The following NEGR1 variants were observed in gnomAD, a reference collection of about 807,000 sequenced individuals.
NEGR1 encodes neuronal growth regulator 1, also known as IgLON family member 4.
A neutral mutation model predicts 40.9 loss-of-function variants in NEGR1; 10 were observed. The observed-to-expected ratio is 0.24, with a 90% CI of 0.15 to 0.42. The LOEUF (loss-of-function observed/expected upper bound fraction) is 0.42, where lower values mean the gene tolerates loss of function less well. NEGR1 is among the 10% of genes least tolerant of loss of function. The pLI is 1.00. For synonymous variants in NEGR1, 185 were observed against 166.8 expected (o/e 1.11, Z -0.84); for missense variants, 352 against 438.9 (o/e 0.80, Z 1.77).
At chr1:72,119,038 G>T (rs1649690708) in intron 1 of NEGR1, among the ~76,000 whole-genome samples, 1 of 151,498 alleles carries the variant, frequency 6.6e-6, no homozygotes, top group African/African-American at 2.4e-5. Flanking sequence ...AGTATATTTA[G>T]ATATCCAACC....
intron 1 of NEGR1, among the ~76,000 whole-genome samples, chr1:72,249,795 A>C (rs1295025118): frequency 6.6e-6 from 1 of 152,204 alleles, no homozygotes; most frequent in Non-Finnish European, 1.5e-5. Context: ...AAAGGGAATA[A>C]TACACATATT....
intron 1 of NEGR1, among the ~76,000 whole-genome samples, chr1:71,970,656 C>T (rs944234784): frequency 6.6e-6 from 1 of 152,036 alleles, no homozygotes; most frequent in Non-Finnish European, 1.5e-5. Flanking sequence ...CCACTGCAAT[C>T]CACCCTGGGC....
chr1:72,175,568 T>C (rs1017350308), intron 1 of NEGR1, among the ~76,000 whole-genome samples: 7 of 152,084 alleles, frequency 4.6e-5, no homozygotes, highest in African/African-American at 9.7e-5. Flanking sequence ...CACGATTGCA[T>C]TGAGGTGTCT....
At chr1:71,572,147 T>G (rs2101494051) in intron 6 of NEGR1, among the ~76,000 whole-genome samples, 1 of 152,216 alleles carries the variant, frequency 6.6e-6, no homozygotes, top group East Asian at 1.9e-4. Flanking sequence ...TTCATTAGAG[T>G]TTAAAACTCT....
At chr1:71,637,918 A>G (rs957274434) in intron 4 of NEGR1, among the ~76,000 whole-genome samples, 5 of 152,032 alleles carry the variant, frequency 3.3e-5, no homozygotes, top group African/African-American at 1.2e-4. Flanking sequence ...AGCATATACT[A>G]TTTGCCAAAA....
chr1:71,467,690 A>T (rs1265027817), intron 6 of NEGR1, among the ~76,000 whole-genome samples: 1 of 143,840 alleles, frequency 7.0e-6, no homozygotes, highest in Admixed American at 7.1e-5. Context: ...TATACTTTTG[A>T]CCTTTTATAA....
chr1:72,140,407 C>T (rs192814476), intron 1 of NEGR1, among the ~76,000 whole-genome samples: 2 of 152,094 alleles, frequency 1.3e-5, no homozygotes, highest in African/African-American at 2.4e-5. Flanking sequence ...TGGTGAGAGC[C>T]TTCCTGCTGA....
chr1:72,203,137 T>G (rs1274328559), intron 1 of NEGR1, among the ~76,000 whole-genome samples: 1 of 152,080 alleles, frequency 6.6e-6, no homozygotes, highest in Non-Finnish European at 1.5e-5. Flanking sequence ...AATCTTATAA[T>G]TTAAGAAATA....
intron 3 of NEGR1, among the ~76,000 whole-genome samples, chr1:71,765,551 A>G (rs1050788677): frequency 1.3e-5 from 2 of 152,090 alleles, no homozygotes; most frequent in South Asian, 2.1e-4. Flanking sequence ...TGAAACCACA[A>G]TTACTTTTGC....
At chr1:72,104,716 C>T (rs1649069245) in intron 1 of NEGR1, among the ~76,000 whole-genome samples, 2 of 152,044 alleles carry the variant, frequency 1.3e-5, no homozygotes, top group South Asian at 4.1e-4. Context: ...CTTGTAGGAG[C>T]CTTGAATTTG....
At chr1:71,524,632 A>G (rs2781153) in intron 6 of NEGR1, among the ~76,000 whole-genome samples, 148,096 of 151,632 alleles carry the variant, frequency 0.98, 72,417 homozygotes, top group East Asian at 1. Context: ...AGTGATGACC[A>G]TCCAAAGATG....
intron 2 of NEGR1, among the ~76,000 whole-genome samples, chr1:71,884,040 A>C (rs1000979359): frequency 1.3e-5 from 2 of 151,904 alleles, no homozygotes; most frequent in African/African-American, 2.4e-5. Flanking sequence ...CCTTAACCAT[A>C]ACACCATCCT....
chr1:71,878,710 C>T (rs17516128), intron 2 of NEGR1, among the ~76,000 whole-genome samples: 2,466 of 152,188 alleles, frequency 0.016, 32 homozygotes, highest in Admixed American at 0.03. Flanking sequence ...AACAACTCTA[C>T]AAAGTCAACA....
At chr1:72,198,139 C>A (rs777663113) in intron 1 of NEGR1, among the ~76,000 whole-genome samples, 5 of 151,972 alleles carry the variant, frequency 3.3e-5, no homozygotes, top group Non-Finnish European at 7.4e-5. Flanking sequence ...GGTACCTTCA[C>A]TTTTTAGACG....
At chr1:72,179,959 C>T (rs977748109) in intron 1 of NEGR1, among the ~76,000 whole-genome samples, 2 of 151,836 alleles carry the variant, frequency 1.3e-5, no homozygotes, top group Admixed American at 1.3e-4. Flanking sequence ...CAATACTATG[C>T]AAAATATCTG....
chr1:71,884,723 A>G (rs1660677803), intron 2 of NEGR1, among the ~76,000 whole-genome samples: 1 of 152,178 alleles, frequency 6.6e-6, no homozygotes, highest in Non-Finnish European at 1.5e-5. Context: ...GTTACACTAA[A>G]AAAGGTAGTT....
At chr1:71,815,450 C>T (rs987816937) in intron 2 of NEGR1, among the ~76,000 whole-genome samples, 1 of 151,994 alleles carries the variant, frequency 6.6e-6, no homozygotes, top group Non-Finnish European at 1.5e-5. Context: ...AGGTCAAGTC[C>T]TAAATATCCT....
intron 1 of NEGR1, among the ~76,000 whole-genome samples, chr1:72,100,092 A>C (rs1648875331): frequency 6.6e-6 from 1 of 152,194 alleles, no homozygotes; most frequent in African/African-American, 2.4e-5. Context: ...TAAGGACTAA[A>C]GTAACTTTTT....
intron 1 of NEGR1, among the ~76,000 whole-genome samples, chr1:72,154,922 GAATAC>G (rs1570051090): frequency 6.6e-6 from 1 of 151,768 alleles, no homozygotes; most frequent in East Asian, 1.9e-4. Flanking sequence ...CTTATTGTTT[GAATAC>G]AATAGTAAAT....
Sources: allele counts gnomAD v4.1 joint callset (sites outside exome capture counted in the v4.1 genomes callset), GRCh38; gene constraint gnomAD v4.1.1; transcripts MANE v1.5; gene names NCBI Gene and HGNC (gene_info 2026-07-23, HGNC 2026-07-21).